Variants in CBL observed in about 807,000 individuals in gnomAD.
The protein encoded by CBL is Cbl proto-oncogene.
In CBL, 45 loss-of-function variants were observed where a neutral mutation model predicts 96.9. The ratio of observed to expected loss-of-function variants is 0.46; its 90% CI spans 0.37 to 0.60. CBL has a LOEUF of 0.60. Ranked by LOEUF, CBL falls within the 20% of genes least tolerant of loss-of-function variation. The probability of loss-of-function intolerance (pLI) is 0.00; values close to 1 mark genes in which losing one functional copy is unlikely to be tolerated. For missense variants in CBL, 1,024 were observed against 1,143.5 expected, an observed-to-expected ratio of 0.90 and a Z score of 1.51; for synonymous variants, 420 against 426.8, an observed-to-expected ratio of 0.98 and a Z score of 0.20.
intron 2 of CBL, among the ~76,000 whole-genome samples, chr11:119,244,022 C>T (rs1483033348): frequency 6.6e-6 from 1 of 152,160 alleles, no homozygotes; most frequent in African/African-American, 2.4e-5. Context: ...AGCCACTACT[C>T]CTGACCTCAG....
Position 119,232,307 on chromosome 11 carries a change from G to C in CBL, c.196-141G>C, listed in dbSNP as rs1949509127. 6.7e-6 allele frequency: 6 copies of C among 898,148 alleles called. No individual in the cohort carries two copies. The Admixed American group carries it at 1.1e-4, about 17-fold the overall frequency. 55.6% of individuals were successfully genotyped at this position (898,148 alleles called of 1,614,324 possible). A position where few individuals can be genotyped will look rare whatever the true frequency, so the allele number is the denominator to read the frequency against. ...AAAATGGTTGCCTGTGGGCAATGGG[G>C]TTATGGATCTGCTTCTTATATTCTC... On this transcript the variant is annotated intron_variant, in intron 1 of 15. Transcript: ENST00000264033.
chr11:119,220,376 T>C (rs1169531783), intron 1 of CBL, among the ~76,000 whole-genome samples: 2 of 152,118 alleles, frequency 1.3e-5, no homozygotes, highest in African/African-American at 4.8e-5. Context: ...TGAGAGATTA[T>C]GGTGGGAGAA....
At chr11:119,280,175 C>T (rs376213676) in intron 9 of CBL, among the ~76,000 whole-genome samples, 1 of 152,138 alleles carries the variant, frequency 6.6e-6, no homozygotes, top group African/African-American at 2.4e-5. Flanking sequence ...TGCAGGCTTA[C>T]GTATATTGGC....
chr11:119,212,345 C>T (rs1376803843), intron 1 of CBL, among the ~76,000 whole-genome samples: 2 of 151,320 alleles, frequency 1.3e-5, no homozygotes, highest in African/African-American at 2.4e-5. Context: ...TTTTATTGGC[C>T]GGGTGTGTGG....
chr11:119,270,416 T>TTA (rs142299271), intron 2 of CBL, among the ~76,000 whole-genome samples: 4,456 of 74,154 alleles, frequency 0.06, 359 homozygotes, highest in East Asian at 0.091. Flanking sequence ...CAGCTAATTT[T>TTA]TATATATATA....
At chr11:119,225,061 TGTGTGTGTGTGTGC>T (rs1252260191) in intron 1 of CBL, among the ~76,000 whole-genome samples, 2 of 151,654 alleles carry the variant, frequency 1.3e-5, no homozygotes, top group Admixed American at 6.6e-5. Flanking sequence ...TGTGTGTGTG[TGTGTGTGTGTGTGC>T]GCGCGCTTGT....
At chr11:119,279,327 C>T (rs1396870230) in intron 9 of CBL, among the ~76,000 whole-genome samples, 1 of 151,932 alleles carries the variant, frequency 6.6e-6, no homozygotes, top group Non-Finnish European at 1.5e-5. Context: ...TAGTGAGACC[C>T]TATCTCTACC....
chr11:119,225,339 C>T (rs867968485), intron 1 of CBL, among the ~76,000 whole-genome samples: 4 of 152,060 alleles, frequency 2.6e-5, no homozygotes, highest in African/African-American at 4.8e-5. Context: ...TCAGGTGATT[C>T]TCCCGCCTTG....
At chr11:119,236,595 GTATATATA>G (rs71048051) in intron 2 of CBL, among the ~76,000 whole-genome samples, 113 of 137,710 alleles carry the variant, frequency 8.2e-4, no homozygotes, top group South Asian at 1.9e-3. Context: ...CTTCTTTTGA[GTATATATA>G]TATATATATA....
chr11:119,217,593 T>C (rs1006729276), intron 1 of CBL, among the ~76,000 whole-genome samples: 1 of 152,152 alleles, frequency 6.6e-6, no homozygotes, highest in Admixed American at 6.6e-5. Flanking sequence ...CCTAATCAGC[T>C]CTCAGGAGAT....
chr11:119,290,606 C>T (rs577570541), intron 12 of CBL, among the ~76,000 whole-genome samples: 59 of 116,942 alleles, frequency 5.0e-4, no homozygotes, highest in African/African-American at 1.6e-3. Context: ...GGCGACAGAG[C>T]GAGACTCTGT....
intron 11 of CBL, 121 bp downstream of exon 11, chr11:119,285,687 G>A: frequency 8.8e-7 from 1 of 1,136,812 alleles, no homozygotes; most frequent in South Asian, 1.3e-5. Flanking sequence ...CTTGAGCCGA[G>A]GATTTCGAGA....
chr11:119,239,776 GGTT>G (rs778218147), intron 2 of CBL, among the ~76,000 whole-genome samples: 6 of 151,482 alleles, frequency 4.0e-5, no homozygotes, highest in Non-Finnish European at 5.9e-5. Flanking sequence ...TTCAGTTTTT[GGTT>G]GTTGTTTTTT....
intron 1 of CBL, among the ~76,000 whole-genome samples, chr11:119,216,359 T>C (rs936345047): frequency 2.7e-4 from 40 of 150,274 alleles, no homozygotes; most frequent in African/African-American, 9.3e-4. Context: ...TTTATTTATT[T>C]ATTTATTTAT....
rs118141569 is a variant in CBL, at chr11:119,298,322, C to T, written c.2252-36C>T. ...TTGAAATGTATTAGAAGATGAAGTG[C>T]GTCAGAAGAAGATAACATCACTCAT... On this transcript the variant is annotated intron_variant, in intron 14 of 15. Transcript: ENST00000264033. The T allele has an allele frequency of 7.7e-3, 12,162 of 1,578,882 alleles. 72 individuals carry two copies. Among genetic ancestry groups the T allele is most frequent in the Non-Finnish European group, 8.6e-3 (9,864 of 1,147,952 alleles).
chr11:119,287,243 A>C (rs1217615306), intron 11 of CBL, among the ~76,000 whole-genome samples: 1 of 152,206 alleles, frequency 6.6e-6, no homozygotes, highest in Non-Finnish European at 1.5e-5. Context: ...CAGTGGGTGG[A>C]AAAAAAGGTA....
chr11:119,245,429 A>T (rs2135275706), intron 2 of CBL, among the ~76,000 whole-genome samples: 1 of 152,208 alleles, frequency 6.6e-6, no homozygotes, highest in East Asian at 1.9e-4. Flanking sequence ...TTACATGTTA[A>T]CATAAAAAGT....
intron 2 of CBL, among the ~76,000 whole-genome samples, chr11:119,258,177 G>A (rs1404392705): frequency 2.0e-5 from 3 of 152,122 alleles, no homozygotes; most frequent in Non-Finnish European, 2.9e-5. Flanking sequence ...GCAGTGAGCC[G>A]AGATTGCACC....
Position 119,238,384 on chromosome 11 carries a change from A to G in CBL, c.443+5689A>G, listed in dbSNP as rs901160046. Reference sequence around the variant, plus strand: ...ACCACAACCCCTGGCTAAGTTTTCTATTTTTAGTAGGGATGGGGCTTTACC... The same window carrying G: ...ACCACAACCCCTGGCTAAGTTTTCTGTTTTTAGTAGGGATGGGGCTTTACC... On this transcript the variant is annotated intron_variant, in intron 2 of 15. Transcript: ENST00000264033. 1.3e-5 allele frequency among the ~76,000 whole-genome samples: 2 copies of G among 151,552 alleles called. 1 individual carries two copies. The highest frequency in any genetic ancestry group is 1.3e-4 in the Admixed American group (2 of 15,232).
Sources: allele counts gnomAD v4.1 joint callset (sites outside exome capture counted in the v4.1 genomes callset), GRCh38; gene constraint gnomAD v4.1.1; transcripts MANE v1.5; gene names NCBI Gene and HGNC (gene_info 2026-07-23, HGNC 2026-07-21).